TTN: variants seen among roughly 807,000 people sequenced by gnomAD.
TTN encodes the protein titin.
A neutral mutation model predicts 3,223.0 loss-of-function variants in TTN; 1,525 were observed. That is an observed-to-expected ratio of 0.47 (90% CI 0.45 to 0.49). The LOEUF (loss-of-function observed/expected upper bound fraction) is 0.49. Among genes scored for constraint, TTN ranks in the 20% least tolerant of loss-of-function variants. TTN has a pLI of 0.00. For synonymous variants in TTN, 14,094 were observed against 15,161.0 expected (o/e 0.93, Z 5.17); for missense variants, 40,786 against 43,424.0 (o/e 0.94, Z 5.40).
Position 178,611,899 on chromosome 2 carries a change from T to A in TTN, c.50410A>T (p.Thr16804Ser). The change falls in exon 268 of 363, where the codon ACT becomes TCT. Residue 16804 changes from threonine to serine, a missense_variant. By Grantham distance (58) the Thr-to-Ser change is moderately conservative. Transcript: ENST00000589042. ...LGTRWVKAGK[T>S]AGPDCNFRVT... The stretch of plus-strand genomic sequence containing the variant: ...CTGAAGTTACAGTCAGGTCCTGCAG[T>A]CTTTCCAGCTTTCACCCAACGGGTA... 6.2e-7 allele frequency: 1 copy of A among 1,612,774 alleles called. No individual in the cohort carries two copies. The highest frequency in any genetic ancestry group is 8.5e-7 in the Non-Finnish European group (1 of 1,179,238).
Position 178,600,900 on chromosome 2 carries a change from G to T in TTN, c.56004C>A (p.Ser18668Arg). The change falls in exon 288 of 363, where the codon AGC (serine) becomes AGA (arginine). Residue 18668 changes from serine to arginine, a missense_variant. Ser to Arg is a moderately radical substitution (Grantham distance 110). Coordinates refer to ENST00000589042, the MANE Select transcript of TTN (RefSeq NM_001267550.2). ...RVKAVNAAGVSKPSATVGPVT... is the reference protein window; with the variant it reads ...RVKAVNAAGVRKPSATVGPVT... ...CAGGGCCAACAGTGGCTGAAGGCTT[G>T]CTGACTCCTGCAGCATTGACAGCTT... is the stretch of plus-strand genomic sequence containing the variant. 1 of 1,612,928 alleles carries T rather than the reference G, an allele frequency of 6.2e-7. No homozygotes were observed. The highest frequency in any genetic ancestry group is 1.3e-5 in the African/African-American group (1 of 74,964).
chr2:178,753,574 A>T (rs1281714722), intron 46 of TTN: 1 of 166,838 alleles, frequency 6.0e-6, no homozygotes, highest in Non-Finnish European at 1.3e-5. Context: ...CTACTTTAGC[A>T]GAGGGCTATT....
chr2:178,577,126 G>A lies in TTN; in HGVS notation c.69209C>T (p.Ser23070Leu). Residue 23070 changes from serine (S) to leucine (L), a missense_variant, in exon 324 of 363, where the codon TCA becomes TTA. Transcript: ENST00000589042. Reference protein sequence around the residue: ...TWTPPLEDGGSPIKSYILEKR... With the variant: ...TWTPPLEDGGLPIKSYILEKR... ...TTCAAGTATATAGGACTTAATTGGT[G>A]AGCCGCCATCTTCCAAGGGAGGTGT... The A allele has an allele frequency of 6.2e-7, 1 of 1,613,116 alleles. No individual in the cohort carries two copies. Among genetic ancestry groups the A allele is most frequent in the South Asian group, 1.1e-5 (1 of 91,034 alleles).
chr2:178,536,771 T>C (rs1691722145), intron 356 of TTN, 167 bp downstream of exon 356: 1 of 819,570 alleles, frequency 1.2e-6, no homozygotes, highest in Admixed American at 3.2e-5. Context: ...TTAGGATATA[T>C]ATTTCTCCTT....
At chr2:178,795,687 A>C (rs2093731808) in intron 6 of TTN, among the ~76,000 whole-genome samples, 1 of 152,108 alleles carries the variant, frequency 6.6e-6, no homozygotes, top group African/African-American at 2.4e-5. Context: ...CTGTAATCAA[A>C]ATGCTTGTGC....
Position 178,732,733 on chromosome 2 carries a change from T to C in TTN, c.16343-15A>G, listed in dbSNP as rs1306563736. Reference sequence around the variant, plus strand: ...ACTGGGTGGTTCTGAAGAAGGGGTATAAGAAAGAATTTCAAAGAGTTAAGA... The same window carrying C: ...ACTGGGTGGTTCTGAAGAAGGGGTACAAGAAAGAATTTCAAAGAGTTAAGA... On this transcript the variant is annotated splice_polypyrimidine_tract_variant and intron_variant, in intron 55 of 362. Coordinates refer to ENST00000589042, the MANE Select transcript of TTN (RefSeq NM_001267550.2). 5 of 1,567,296 alleles carry C rather than the reference T, an allele frequency of 3.2e-6. No individual in the cohort carries two copies. Among genetic ancestry groups the C allele is most frequent in the African/African-American group, 2.7e-5 (2 of 72,956 alleles).
At chr2:178,694,029 A>G (rs750720167) in intron 117 of TTN, 21 bp from the exon 118 acceptor site, 2 of 1,579,444 alleles carry the variant, frequency 1.3e-6, no homozygotes, top group African/African-American at 1.3e-5. Flanking sequence ...AGTATTTCAC[A>G]TTAGTATTCC....
intron 242 of TTN, among the ~76,000 whole-genome samples, chr2:178,623,468 T>C (rs1455160337): frequency 6.6e-6 from 1 of 151,844 alleles, no homozygotes; most frequent in African/African-American, 2.4e-5. Flanking sequence ...CAGAGCTCCC[T>C]GTGAGTCCTT....
At position 178,679,980 on chromosome 2, in the gene TTN, T is replaced by G. The variant is rs759717563; in HGVS notation, c.33494A>C (p.Tyr11165Ser). ...GTACTCTTCTTCTTCTTCTACAAGA[T>G]ATTCTTCTACATGGGTTACAACTTC... ...EEEVVTHVEE[Y>S]LVEEEEEYIH... is the part of the protein sequence containing the mutation. Residue 11165 changes from tyrosine to serine, a missense_variant, in exon 140 of 363, where the codon TAT becomes TCT. Transcript: ENST00000589042. The G allele has an allele frequency of 3.1e-6, 5 of 1,613,102 alleles. No homozygotes were observed. In the East Asian group the frequency reaches 1.1e-4, roughly 36 times the overall value.
chr2:178,546,316 G>C lies in TTN; in HGVS notation c.95015C>G (p.Thr31672Ser). 1 of 1,613,856 alleles carries C rather than the reference G, an allele frequency of 6.2e-7. No individual in the cohort carries two copies. Among genetic ancestry groups the C allele is most frequent in the Non-Finnish European group, 8.5e-7 (1 of 1,179,780 alleles). ...VSLQYTGKRA[T>S]AVIKFCDRSD... Reference sequence around the variant, plus strand: ...TCTGTCACAGAACTTGATCACAGCAGTTGCTCGTTTGCCAGTATACTGCAA... The same window carrying C: ...TCTGTCACAGAACTTGATCACAGCACTTGCTCGTTTGCCAGTATACTGCAA... The change falls in exon 342 of 363, where the codon ACT becomes AGT. Residue 31672 changes from threonine to serine, a missense_variant. Physicochemically the swap from Thr to Ser is moderately conservative, Grantham distance 58. Transcript: ENST00000589042.
chr2:178,789,030 TC>T (rs1222324920), intron 13 of TTN, among the ~76,000 whole-genome samples: 1 of 152,086 alleles, frequency 6.6e-6, no homozygotes. Context: ...TTATACATCT[TC>T]CGTGTTTTTA....
Position 178,636,762 on chromosome 2 carries a change from T to G in TTN, c.40965A>C (p.Glu13655Asp). The G allele has an allele frequency of 6.2e-7, 1 of 1,606,942 alleles. No individual in the cohort carries two copies. The highest frequency in any genetic ancestry group is 8.5e-7 in the Non-Finnish European group (1 of 1,175,478). ...CACTTCCTGGCCTTAACTTTCTCCT[T>G]TCGGCTTCTATTGGTGAAGGAGTCT... ...PKKTPSPIEAERRKLRPGSGG... is the reference protein window; with the variant it reads ...PKKTPSPIEADRRKLRPGSGG... Residue 13655 changes from glutamate to aspartate, a missense_variant, in exon 225 of 363, where the codon GAA becomes GAC. By Grantham distance (45) the Glu-to-Asp change is conservative. Transcript: ENST00000589042. This position sits in a 1 kb window ranked among gnomAD's most constrained non-coding sequence, Gnocchi z 4.3.
Position 178,749,701 on chromosome 2 carries a change from A to G in TTN, c.11311+3423T>C, listed in dbSNP as rs185931752. On this transcript the variant is annotated intron_variant, in intron 47 of 362. Coordinates refer to ENST00000589042, the MANE Select transcript of TTN (RefSeq NM_001267550.2). ...TTTCAACTGCCCCTGAATTGTTTTC[A>G]GCAACACATTTATATTTTCCAGAAT... 5.0e-5 allele frequency: 81 copies of G among 1,613,052 alleles called. No homozygotes were observed. The African/African-American group carries it at 9.7e-4, about 19-fold the overall frequency.
At chr2:178,543,023 T>A (rs1388900058) in intron 347 of TTN, 46 bp downstream of exon 347, 3 of 1,532,930 alleles carry the variant, frequency 2.0e-6, no homozygotes, top group Non-Finnish European at 2.6e-6. Context: ...CTGAATGTTT[T>A]CATTTTACTT....
In TTN at chr2:178,651,498, C is replaced by A; in HGVS notation, c.39502G>T (p.Val13168Leu). Residue 13168 changes from valine to leucine, a missense_variant, in exon 207 of 363, where the codon GTG becomes TTG. Coordinates refer to ENST00000589042, the MANE Select transcript of TTN (RefSeq NM_001267550.2). ...VPKEVVPEKK[V>L]PLVVPKKPEA... ...GGCTTTTTGGGAACCACCAGAGGCA[C>A]CTTCTTTTCAGGAACAACCTCCTTG... 2 of 1,612,968 alleles carry A rather than the reference C, an allele frequency of 1.2e-6. No homozygotes were observed. The highest frequency in any genetic ancestry group is 1.7e-6 in the Non-Finnish European group (2 of 1,179,498).
At chr2:178,796,400 A>T (rs1327336585) in intron 6 of TTN, among the ~76,000 whole-genome samples, 1 of 152,226 alleles carries the variant, frequency 6.6e-6, no homozygotes, top group Non-Finnish European at 1.5e-5. Context: ...AGCTCAAGGT[A>T]CAGTTGATAT....
chr2:178,612,583 A>C lies in TTN; in HGVS notation c.49949-7T>G. On this transcript the variant is annotated splice_polypyrimidine_tract_variant and splice_region_variant and intron_variant, in intron 265 of 362. Transcript: ENST00000589042. ...CGTGGTGGTGATGGAGGATCTGAAA[A>C]AGAAGGAAGGAAAACAAATTCATTT... is the stretch of plus-strand genomic sequence containing the variant. 1 of 1,596,718 alleles carries C rather than the reference A, an allele frequency of 6.3e-7. No homozygotes were observed. Among genetic ancestry groups the C allele is most frequent in the Non-Finnish European group, 8.5e-7 (1 of 1,176,094 alleles).
intron 278 of TTN, among the ~76,000 whole-genome samples, chr2:178,606,007 C>T (rs990731727): frequency 6.6e-6 from 1 of 151,994 alleles, no homozygotes; most frequent in Non-Finnish European, 1.5e-5. Context: ...GGGGATGCTT[C>T]TAATTCTACT....
At chr2:178,631,417 G>T in intron 236 of TTN, 117 bp from the exon 237 acceptor site, 1 of 1,142,308 alleles carries the variant, frequency 8.8e-7, no homozygotes, top group Non-Finnish European at 1.2e-6. Context: ...ATTGTGTCAA[G>T]TGTTCAATCA....
Sources: allele counts gnomAD v4.1 joint callset (sites outside exome capture counted in the v4.1 genomes callset), GRCh38; gene constraint gnomAD v4.1.1; non-coding constraint Gnocchi (gnomAD v3.1); transcripts MANE v1.5; gene names NCBI Gene and HGNC (gene_info 2026-07-23, HGNC 2026-07-21).